BICD1: variants seen among roughly 807,000 people sequenced by gnomAD.
BICD1 encodes protein bicaudal D homolog 1.
In BICD1, 35 loss-of-function variants were observed where a neutral mutation model predicts 92.5. That is an observed-to-expected ratio of 0.38 (90% CI 0.29 to 0.50). The LOEUF is 0.50. Among genes scored for constraint, BICD1 ranks in the 20% least tolerant of loss-of-function variants. BICD1 has a pLI of 0.93. For missense variants in BICD1, 950 were observed against 1,189.8 expected, an observed-to-expected ratio of 0.80 and a Z score of 2.97; for synonymous variants, 429 against 465.1, an observed-to-expected ratio of 0.92 and a Z score of 1.00.
rs114473069 is a variant in BICD1 at position 32,186,362 on chromosome 12, T to C, written c.214-29885T>C. On this transcript the variant is annotated intron_variant, in intron 1 of 9. Coordinates refer to ENST00000652176, the MANE Select transcript of BICD1 (RefSeq NM_001714.4). ...AACTGATTTTTGAATTTTGCTTTAA[T>C]TAATTTAAATTTAAGTGGTCACATG... Among the ~76,000 whole-genome samples, 899 of 152,340 alleles carry C rather than the reference T, an allele frequency of 5.9e-3. 9 individuals are homozygous for C. Among genetic ancestry groups the C allele is most frequent in the African/African-American group, 0.021 (855 of 41,568 alleles).
chr12:32,162,767 G>GAATTCGCTCA (rs1418928153), intron 1 of BICD1, among the ~76,000 whole-genome samples: 1 of 152,132 alleles, frequency 6.6e-6, no homozygotes, highest in Non-Finnish European at 1.5e-5. Flanking sequence ...AGGATCGCTT[G>GAATTCGCTCA]AATTCAGGAG....
intron 2 of BICD1, among the ~76,000 whole-genome samples, chr12:32,268,792 A>C (rs930394224): frequency 6.6e-6 from 1 of 152,092 alleles, no homozygotes; most frequent in Admixed American, 6.6e-5. Context: ...AAAATAAATA[A>C]ATGAAATGAA....
chr12:32,339,074 G>C, intron 8 of BICD1, 95 bp downstream of exon 8: 1 of 1,405,672 alleles, frequency 7.1e-7, no homozygotes, highest in Middle Eastern at 2.6e-4. Flanking sequence ...CAGCTGCAGA[G>C]TATACCTTTG....
At position 32,127,996 on chromosome 12, in the gene BICD1, G is replaced by A. The variant is rs564002810; in HGVS notation, c.213+20452G>A. 2.6e-4 allele frequency among the ~76,000 whole-genome samples: 39 copies of A among 150,706 alleles called. No individual in the cohort carries two copies. In the South Asian group the frequency reaches 7.8e-3, roughly 30 times the overall value. The stretch of plus-strand genomic sequence containing the variant: ...TCAGTTCACTGCAGCCTCTGCCTCC[G>A]AGGCTCCAGTGATTCTCCTGCCTCA... On this transcript the variant is annotated intron_variant, in intron 1 of 9. Coordinates refer to ENST00000652176, the MANE Select transcript of BICD1 (RefSeq NM_001714.4).
chr12:32,308,026 G>T (rs1186863529), intron 4 of BICD1, among the ~76,000 whole-genome samples: 1 of 152,148 alleles, frequency 6.6e-6, no homozygotes, highest in African/African-American at 2.4e-5. Context: ...TTTTCAAGCA[G>T]GTCATCTATT....
chr12:32,118,495 C>T (rs1218098270), intron 1 of BICD1, among the ~76,000 whole-genome samples: 1 of 152,120 alleles, frequency 6.6e-6, no homozygotes, highest in African/African-American at 2.4e-5. Context: ...AAAATTGCAT[C>T]GGTACTAAAC....
chr12:32,122,275 A>G (rs1592332454), intron 1 of BICD1, among the ~76,000 whole-genome samples: 1 of 151,944 alleles, frequency 6.6e-6, no homozygotes, highest in East Asian at 1.9e-4. Flanking sequence ...AGACCATCCT[A>G]ACACAGATCG....
chr12:32,339,944 T>C, intron 8 of BICD1: 1 of 816,620 alleles, frequency 1.2e-6, no homozygotes, highest in South Asian at 5.6e-5. Context: ...CTGTTGGAGC[T>C]CTGTAGTGGC....
At chr12:32,183,768 C>G (rs1426115579) in intron 1 of BICD1, among the ~76,000 whole-genome samples, 1 of 152,116 alleles carries the variant, frequency 6.6e-6, no homozygotes, top group Non-Finnish European at 1.5e-5. Context: ...TCCAGGAAGG[C>G]CAACTGGGAG....
chr12:32,339,256 C>G (rs955204086), intron 8 of BICD1: 7 of 1,136,722 alleles, frequency 6.2e-6, no homozygotes, highest in Non-Finnish European at 6.5e-6. Context: ...AAGCACAACG[C>G]ACACACACTT....
At chr12:32,268,625 G>C (rs974585161) in intron 2 of BICD1, among the ~76,000 whole-genome samples, 3 of 151,988 alleles carry the variant, frequency 2.0e-5, no homozygotes, top group Non-Finnish European at 2.9e-5. Flanking sequence ...GCGAAACCCC[G>C]TCTCTACTAA....
intron 2 of BICD1, among the ~76,000 whole-genome samples, chr12:32,272,777 C>G (rs1947176386): frequency 6.6e-6 from 1 of 152,142 alleles, no homozygotes; most frequent in Non-Finnish European, 1.5e-5. Flanking sequence ...TTTTAAAAAT[C>G]AAGATTTTCC....
intron 3 of BICD1, among the ~76,000 whole-genome samples, chr12:32,296,063 T>C (rs1176987009): frequency 2.0e-5 from 3 of 152,046 alleles, no homozygotes; most frequent in Non-Finnish European, 4.4e-5. Context: ...AGTATCCCCA[T>C]GTGTTTCTGC....
chr12:32,349,771 CTG>C, intron 8 of BICD1, among the ~76,000 whole-genome samples: 1 of 152,056 alleles, frequency 6.6e-6, no homozygotes, highest in East Asian at 1.9e-4. Context: ...TTTAAAGTGA[CTG>C]TGTGTTGTGA....
intron 8 of BICD1, chr12:32,353,623 T>A (rs1044243658): frequency 6.6e-6 from 1 of 152,176 alleles, no homozygotes; most frequent in African/African-American, 2.4e-5. Flanking sequence ...ATCAAACACA[T>A]TTCATTGAGT....
chr12:32,141,206 C>G (rs1942908634), intron 1 of BICD1, among the ~76,000 whole-genome samples: 1 of 152,170 alleles, frequency 6.6e-6, no homozygotes, highest in Admixed American at 6.5e-5. Context: ...ATAATTCAAA[C>G]AAGACAGCGT....
chr12:32,226,977 T>C (rs1945716681), intron 2 of BICD1, among the ~76,000 whole-genome samples: 1 of 151,990 alleles, frequency 6.6e-6, no homozygotes. Flanking sequence ...GGGGAAGGCA[T>C]GTGAGGAGGG....
At chr12:32,206,612 A>G (rs1945064677) in intron 1 of BICD1, among the ~76,000 whole-genome samples, 1 of 152,246 alleles carries the variant, frequency 6.6e-6, no homozygotes, top group South Asian at 2.1e-4. Context: ...TCTCAAAAAA[A>G]AGAAAGAAGG....
At position 32,379,422 on chromosome 12, in the gene BICD1, A is replaced by G. The variant is rs1236959790; in HGVS notation, c.*1795A>G. ...ATGCAACGTGGAGTAAAGAGTTGAA[A>G]TCTTCACCAAAATAAGGGTTCAGGT... is the stretch of plus-strand genomic sequence containing the variant. On this transcript the variant is annotated 3_prime_UTR_variant, in exon 10 of 10. Coordinates refer to ENST00000652176, the MANE Select transcript of BICD1 (RefSeq NM_001714.4). The G allele has an allele frequency of 6.6e-6, 1 of 152,226 alleles. No homozygotes were observed. Among genetic ancestry groups the G allele is most frequent in the East Asian group, 1.9e-4 (1 of 5,206 alleles). 9.4% of individuals were successfully genotyped at this position (152,226 alleles called of 1,614,324 possible).
Sources: allele counts gnomAD v4.1 joint callset (sites outside exome capture counted in the v4.1 genomes callset), GRCh38; gene constraint gnomAD v4.1.1; transcripts MANE v1.5; gene names NCBI Gene and HGNC (gene_info 2026-07-23, HGNC 2026-07-21).